The following SYT9 variants were observed in gnomAD, a reference collection of about 807,000 sequenced individuals.
SYT9 encodes synaptotagmin-9.
In SYT9, 22 loss-of-function variants were observed where a neutral mutation model predicts 48.4. The ratio of observed to expected loss-of-function variants is 0.45; its 90% CI spans 0.32 to 0.65. The LOEUF is 0.65. SYT9 is among the 30% of genes least tolerant of loss of function. SYT9 has a pLI of 0.03. For missense variants in SYT9, 577 were observed against 622.0 expected, an observed-to-expected ratio of 0.93 and a Z score of 0.77; for synonymous variants, 265 against 245.0, an observed-to-expected ratio of 1.08 and a Z score of -0.76.
chr11:7,401,640 T>A (rs947217173), intron 3 of SYT9, among the ~76,000 whole-genome samples: 10 of 151,748 alleles, frequency 6.6e-5, no homozygotes, highest in Non-Finnish European at 1.3e-4. Flanking sequence ...GTAATTTTTT[T>A]ATTTTATATA....
rs568750224 is a variant in SYT9 at position 7,411,981 on chromosome 11, C to T, written c.1045-4061C>T. 2.0e-5 allele frequency among the ~76,000 whole-genome samples: 3 copies of T among 152,192 alleles called. No homozygotes were observed. The East Asian group carries it at 5.8e-4, about 29-fold the overall frequency. On this transcript the variant is annotated intron_variant, in intron 3 of 6. Coordinates refer to ENST00000318881, the MANE Select transcript of SYT9 (RefSeq NM_175733.4). ...GATTCTTTCTTCTGCTTAATCTAATCTATTGTTGGAGGTTTTGACTGTATT... is the reference window on the plus strand; with the variant it reads ...GATTCTTTCTTCTGCTTAATCTAATTTATTGTTGGAGGTTTTGACTGTATT...
upstream of SYT9, among the ~76,000 whole-genome samples, chr11:7,249,475 A>G (rs1367456670): frequency 1.3e-5 from 2 of 152,222 alleles, no homozygotes; most frequent in Non-Finnish European, 2.9e-5. Flanking sequence ...CTGTCTTTGG[A>G]AACAGTCTAC....
At chr11:7,419,451 A>AG (rs202245760) in intron 5 of SYT9, among the ~76,000 whole-genome samples, 2 of 150,876 alleles carry the variant, frequency 1.3e-5, no homozygotes, top group South Asian at 4.2e-4. Flanking sequence ...TCTTTGCAGG[A>AG]GGGAAAAAAA....
chr11:7,264,277 G>A (rs1482734270), intron 1 of SYT9, among the ~76,000 whole-genome samples: 1 of 152,144 alleles, frequency 6.6e-6, no homozygotes, highest in African/African-American at 2.4e-5. Context: ...AAGTGTAATT[G>A]CCAGGCAATA....
rs749190751 is a variant in SYT9 at position 7,252,722 on chromosome 11, G to C, written c.145+391G>C. Among the ~76,000 whole-genome samples the C allele has an allele frequency of 3.3e-5, 5 of 152,242 alleles. No homozygotes were observed. Among genetic ancestry groups the C allele is most frequent in the Non-Finnish European group, 1.5e-5 (1 of 68,042 alleles). On this transcript the variant is annotated intron_variant, in intron 1 of 6. Coordinates refer to ENST00000318881, the MANE Select transcript of SYT9 (RefSeq NM_175733.4). The surrounding 1 kb of genome is among the most constrained non-coding windows in gnomAD (Gnocchi z 6.3). ...CGTGGGAAGGGGGACGAGGCCGAAG[G>C]AAACTCTGGGAAGTTGGGAGTTGGG...
chr11:7,257,924 G>C (rs183230101), intron 1 of SYT9, among the ~76,000 whole-genome samples: 2 of 152,162 alleles, frequency 1.3e-5, no homozygotes, highest in Admixed American at 6.5e-5. Flanking sequence ...TGTAGTAAAG[G>C]CATCACAGGC....
At position 7,313,887 on chromosome 11, in the gene SYT9, G is replaced by T; in HGVS notation, c.990G>T (p.Leu330Phe). 1.2e-6 allele frequency: 2 copies of T among 1,614,024 alleles called. No homozygotes were observed. The highest frequency in any genetic ancestry group is 1.7e-6 in the Non-Finnish European group (2 of 1,179,970). The change falls in exon 3 of 7, where the codon TTG becomes TTT. Residue 330 changes from leucine (L) to phenylalanine (F), a missense_variant. Physicochemically the swap from Leu to Phe is conservative, Grantham distance 22. Coordinates refer to ENST00000318881, the MANE Select transcript of SYT9 (RefSeq NM_175733.4). ...TGGTGGTGGATCACTTCCTAGACTT[G>T]GCTGATTTCCCCAGGGAGTGCATCC... ...GQVVVDHFLD[L>F]ADFPRECILW...
At chr11:7,396,874 T>C (rs894458990) in intron 3 of SYT9, among the ~76,000 whole-genome samples, 4 of 152,216 alleles carry the variant, frequency 2.6e-5, no homozygotes, top group Admixed American at 6.5e-5. Context: ...GTCTGAAATA[T>C]ATGACTTCTA....
chr11:7,433,703 A>C (rs111566635), intron 6 of SYT9, among the ~76,000 whole-genome samples: 79 of 152,336 alleles, frequency 5.2e-4, no homozygotes, highest in African/African-American at 1.8e-3. Flanking sequence ...CCCTTCTACC[A>C]TACGAGGACA....
chr11:7,360,902 T>G (rs540732957), intron 3 of SYT9, among the ~76,000 whole-genome samples: 1 of 152,274 alleles, frequency 6.6e-6, no homozygotes, highest in South Asian at 2.1e-4. Context: ...TTTTTTCAAG[T>G]TATCTATTCT....
chr11:7,428,447 C>T (rs1847507663), intron 6 of SYT9, among the ~76,000 whole-genome samples: 1 of 152,166 alleles, frequency 6.6e-6, no homozygotes, highest in Non-Finnish European at 1.5e-5. Context: ...TGAAATGAAC[C>T]AGAGTGGTTT....
In SYT9 at chr11:7,420,575, C is replaced by T; in HGVS notation, c.1407C>T (p.His469=). ...GNEAERLGRD[H]WSEMLSYPRK... ...AGGCTGAGAGGCTGGGCAGAGACCA[C>T]TGGAGTGAAATGTTGTCATATCCTC... Residue 469 remains histidine, a synonymous_variant, in exon 6 of 7, where the codon CAC becomes CAT. Coordinates refer to ENST00000318881, the MANE Select transcript of SYT9 (RefSeq NM_175733.4). 6.2e-7 allele frequency: 1 copy of T among 1,614,188 alleles called. No homozygotes were observed. Among genetic ancestry groups the T allele is most frequent in the South Asian group, 1.1e-5 (1 of 91,084 alleles).
chr11:7,410,826 A>G (rs2134089086), intron 3 of SYT9, among the ~76,000 whole-genome samples: 1 of 152,222 alleles, frequency 6.6e-6, no homozygotes, highest in African/African-American at 2.4e-5. Flanking sequence ...TTTTAAGCAG[A>G]TTATTTAATC....
chr11:7,453,917 G>C (rs571207995), intron 6 of SYT9: 6 of 870,664 alleles, frequency 6.9e-6, no homozygotes, highest in Non-Finnish European at 8.3e-6. Context: ...GATCTCAGTC[G>C]CCCTCCTCAG....
chr11:7,269,983 A>G (rs1214167979), intron 1 of SYT9, among the ~76,000 whole-genome samples: 1 of 152,184 alleles, frequency 6.6e-6, no homozygotes, highest in Non-Finnish European at 1.5e-5. Context: ...TTTATTTTGC[A>G]AAGTTCATTA....
chr11:7,310,747 G>A (rs1187433210), intron 2 of SYT9, among the ~76,000 whole-genome samples: 6 of 152,102 alleles, frequency 3.9e-5, no homozygotes, highest in African/African-American at 1.4e-4. Flanking sequence ...CACCCGGCTT[G>A]TGATTGGTTT....
chr11:7,256,238 T>A (rs2119782660), intron 1 of SYT9, among the ~76,000 whole-genome samples: 1 of 152,340 alleles, frequency 6.6e-6, no homozygotes, highest in Middle Eastern at 3.4e-3. Context: ...CCAAGCACTT[T>A]ATGTAGGTCA....
intron 3 of SYT9, among the ~76,000 whole-genome samples, chr11:7,411,289 A>G (rs1847132795): frequency 1.3e-5 from 2 of 151,962 alleles, no homozygotes; most frequent in South Asian, 4.1e-4. Flanking sequence ...TAGTTGTACC[A>G]TTTGAATTCT....
chr11:7,382,439 CTG>C (rs1850583328), intron 3 of SYT9, among the ~76,000 whole-genome samples: 1 of 151,752 alleles, frequency 6.6e-6, no homozygotes, highest in African/African-American at 2.4e-5. Flanking sequence ...TTTTTCCAAA[CTG>C]AGATTCATCT....
Sources: allele counts gnomAD v4.1 joint callset (sites outside exome capture counted in the v4.1 genomes callset), GRCh38; gene constraint gnomAD v4.1.1; non-coding constraint Gnocchi (gnomAD v3.1); transcripts MANE v1.5; gene names NCBI Gene and HGNC (gene_info 2026-07-23, HGNC 2026-07-21).